The following TRPC5 variants were observed in gnomAD, a reference collection of about 807,000 sequenced individuals.
TRPC5 encodes the protein short transient receptor potential channel 5.
TRPC5 carries 9 observed loss-of-function variants against 56.5 expected under a neutral mutation model. The ratio of observed to expected loss-of-function variants is 0.16; its 90% CI spans 0.10 to 0.28. TRPC5 has a LOEUF of 0.28. TRPC5 is among the 10% of genes least tolerant of loss of function. The pLI is 1.00. For synonymous variants in TRPC5, 282 were observed against 278.5 expected (o/e 1.01, Z -0.13); for missense variants, 469 against 748.9 (o/e 0.63, Z 4.36).
In TRPC5 at chrX:111,939,271, C is replaced by T. The variant is rs937763991; in HGVS notation, c.378+12772G>A. 2.7e-5 allele frequency among the ~76,000 whole-genome samples: 3 copies of T among 111,421 alleles called. No individual in the cohort carries two copies. The Admixed American group carries it at 2.9e-4, about 11-fold the overall frequency. ...GTCTCACTTGGCCATGATAAGTGAC[C>T]TTTTAAATGTGTTGTTGAATGCAGT... On this transcript the variant is annotated intron_variant, in intron 2 of 10. Coordinates refer to ENST00000262839, the MANE Select transcript of TRPC5 (RefSeq NM_012471.3).
chrX:111,990,882 C>CG (rs1247795520), intron 1 of TRPC5, among the ~76,000 whole-genome samples: 1 of 112,154 alleles, frequency 8.9e-6, no homozygotes, highest in Non-Finnish European at 1.9e-5. Context: ...AGAAATTCCT[C>CG]GTGCGACTTA....
In TRPC5 at chrX:111,776,221, G is replaced by A. The variant is rs1170258154; in HGVS notation, c.*92C>T. 1 of 872,540 alleles carries A rather than the reference G, an allele frequency of 1.1e-6. No individual in the cohort carries two copies. Among genetic ancestry groups the A allele is most frequent in the African/African-American group, 2.0e-5 (1 of 49,525 alleles). 71.9% of individuals were successfully genotyped at this position (872,540 alleles called of 1,213,427 possible). ...TTTCACTCTCCTTTCTGGGGGGCAGGGGCAGTGAGGGAATCATATTCTGTG... is the reference window on the plus strand; with the variant it reads ...TTTCACTCTCCTTTCTGGGGGGCAGAGGCAGTGAGGGAATCATATTCTGTG... On this transcript the variant is annotated 3_prime_UTR_variant, in exon 11 of 11. Transcript: ENST00000262839.
rs1463228102 is a variant in TRPC5, at chrX:111,866,529, T to G, written c.901-12423A>C. Among the ~76,000 whole-genome samples, 3 of 113,094 alleles carry G rather than the reference T, an allele frequency of 2.7e-5. No homozygotes were observed. In the East Asian group the frequency reaches 8.4e-4, roughly 32 times the overall value. On this transcript the variant is annotated intron_variant, in intron 3 of 10. Transcript: ENST00000262839. ...CTCCCAGACAAGGGCTGAACATTAT[T>G]GTATTTTTTCCTTACTGCACACAAC...
At chrX:111,831,383 A>C (rs2148575867) in intron 7 of TRPC5, among the ~76,000 whole-genome samples, 1 of 112,428 alleles carries the variant, frequency 8.9e-6, no homozygotes, top group South Asian at 3.7e-4. Context: ...CTGCTTTGAG[A>C]ATCTGAGGTT....
chrX:111,798,282 T>C (rs901077992), intron 7 of TRPC5, among the ~76,000 whole-genome samples: 3 of 112,058 alleles, frequency 2.7e-5, no homozygotes, highest in Non-Finnish European at 5.6e-5. Context: ...TATACTACTA[T>C]AATAATTTTG....
rs3765402 is a variant in TRPC5 at position 112,068,253 on chromosome X, C to G, written c.-22+13626G>C. ...GTTCTAGCTATCCAGGAAGACTGAA[C>G]AGTGTCCTGCACTTGAAATCTCCCT... is the stretch of plus-strand genomic sequence containing the variant. On this transcript the variant is annotated intron_variant, in intron 1 of 10. Coordinates refer to ENST00000262839, the MANE Select transcript of TRPC5 (RefSeq NM_012471.3). Among the ~76,000 whole-genome samples, 331 of 112,413 alleles carry G rather than the reference C, an allele frequency of 2.9e-3. 10 individuals are homozygous for G. In the East Asian group the frequency reaches 0.049, roughly 17 times the overall value.
At chrX:111,834,288 C>T (rs1415895822) in intron 7 of TRPC5, among the ~76,000 whole-genome samples, 2 of 111,436 alleles carry the variant, frequency 1.8e-5, no homozygotes, top group Non-Finnish European at 3.8e-5. Context: ...CTTATATATA[C>T]TTGATTAAAA....
In TRPC5 at chrX:112,031,658, GATAA is replaced by G. The variant is rs759025422; in HGVS notation, c.-22+50217_-22+50220del. ...TAATATTATCATAGATATAGACATA[GATAA>G]ATAGATATATATCTATATACATAGA... On this transcript the variant is annotated intron_variant, in intron 1 of 10. Transcript: ENST00000262839. Among the ~76,000 whole-genome samples, 730 of 109,463 alleles carry G rather than the reference GATAA, an allele frequency of 6.7e-3. 4 individuals carry two copies. Among genetic ancestry groups the G allele is most frequent in the African/African-American group, 0.023 (702 of 30,191 alleles).
At chrX:111,788,504 A>G (rs757878614) in intron 7 of TRPC5, among the ~76,000 whole-genome samples, 3 of 112,090 alleles carry the variant, frequency 2.7e-5, no homozygotes, top group South Asian at 7.5e-4. Context: ...AAACCTGCAC[A>G]AGTCAAGGAT....
At chrX:111,960,054 C>A (rs1927333905) in intron 1 of TRPC5, among the ~76,000 whole-genome samples, 1 of 112,039 alleles carries the variant, frequency 8.9e-6, no homozygotes, top group Admixed American at 9.5e-5. Flanking sequence ...AAATTCAATT[C>A]CTCAGTTGCA....
intron 3 of TRPC5, among the ~76,000 whole-genome samples, chrX:111,907,638 AAAAT>A (rs1391868311): frequency 1.2e-4 from 13 of 109,733 alleles, no homozygotes; most frequent in African/African-American, 4.0e-4. Flanking sequence ...AATAAAAATA[AAAAT>A]AAATAATAAT....
intron 3 of TRPC5, among the ~76,000 whole-genome samples, chrX:111,861,468 A>T (rs770100291): frequency 8.9e-6 from 1 of 111,928 alleles, no homozygotes; most frequent in South Asian, 3.6e-4. Context: ...GTACATTTTT[A>T]TGCCTTCTTA....
Position 111,847,276 on chromosome X carries a change from A to G in TRPC5, c.1538T>C (p.Met513Thr). 1 of 1,211,328 alleles carries G rather than the reference A, an allele frequency of 8.3e-7. No homozygotes were observed. The highest frequency in any genetic ancestry group is 2.2e-5 in the Admixed American group (1 of 45,898). ...GAGGAATTTGAGGATATCAAGCAGC[A>G]TGCGTCCCAAAGAGATCTGCAGAGG... The part of the protein sequence containing the change: ...LGPLQISLGR[M>T]LLDILKFLFI... Residue 513 changes from methionine (M) to threonine (T), a missense_variant, in exon 6 of 11, where the codon ATG becomes ACG. By Grantham distance (81) the Met-to-Thr change is moderately conservative. Around this residue, in one of 3 missense-constraint regions of TRPC5, gnomAD observed 157 missense variants for 360.0 expected, o/e 0.44. Transcript: ENST00000262839.
intron 7 of TRPC5, among the ~76,000 whole-genome samples, chrX:111,818,407 C>G (rs1412376496): frequency 9.0e-6 from 1 of 110,520 alleles, no homozygotes; most frequent in Non-Finnish European, 1.9e-5. Flanking sequence ...CTTAGGCTAC[C>G]CCAGTAGAAT....
At chrX:111,875,593 T>TTG (rs58995231) in intron 3 of TRPC5, among the ~76,000 whole-genome samples, 1 of 103,083 alleles carries the variant, frequency 9.7e-6, no homozygotes, top group African/African-American at 3.6e-5. Context: ...TTTTTTTTTT[T>TTG]GGTGTCTTCA....
At chrX:112,022,137 A>G (rs780672222) in intron 1 of TRPC5, among the ~76,000 whole-genome samples, 2 of 112,374 alleles carry the variant, frequency 1.8e-5, no homozygotes, top group African/African-American at 6.5e-5. Flanking sequence ...ATATAAGAGT[A>G]CAAGAAATCT....
At chrX:112,044,095 C>T (rs939503711) in intron 1 of TRPC5, among the ~76,000 whole-genome samples, 12 of 111,293 alleles carry the variant, frequency 1.1e-4, no homozygotes, top group Non-Finnish European at 2.1e-4. Flanking sequence ...AACAATAAAA[C>T]GGAAATCCTG....
intron 1 of TRPC5, among the ~76,000 whole-genome samples, chrX:112,009,834 CG>C (rs1190053633): frequency 9.1e-6 from 1 of 109,876 alleles, no homozygotes; most frequent in African/African-American, 3.3e-5. Flanking sequence ...CATCACACAC[CG>C]GGGCCTGTTG....
chrX:111,811,439 A>G (rs1921704364), intron 7 of TRPC5, among the ~76,000 whole-genome samples: 1 of 112,796 alleles, frequency 8.9e-6, no homozygotes, highest in South Asian at 3.6e-4. Context: ...ACACAAACAC[A>G]CACAGAGTTA....
Sources: allele counts gnomAD v4.1 joint callset (sites outside exome capture counted in the v4.1 genomes callset), GRCh38; gene constraint gnomAD v4.1.1; regional missense constraint gnomAD v4.1.1; transcripts MANE v1.5; gene names NCBI Gene and HGNC (gene_info 2026-07-23, HGNC 2026-07-21).